Variants in ALDH1A2 observed in about 807,000 individuals in gnomAD.
ALDH1A2 encodes retinal dehydrogenase 2.
A neutral mutation model predicts 60.3 loss-of-function variants in ALDH1A2; 27 were observed. The observed-to-expected ratio is 0.45, with a 90% CI of 0.33 to 0.62. The LOEUF (loss-of-function observed/expected upper bound fraction) is 0.62, where lower values mean the gene tolerates loss of function less well. Ranked by LOEUF, ALDH1A2 falls within the 20% of genes least tolerant of loss-of-function variation. ALDH1A2 has a pLI of 0.02. For synonymous variants in ALDH1A2, 289 were observed against 232.4 expected (o/e 1.24, Z -2.21); for missense variants, 581 against 643.8 (o/e 0.90, Z 1.06).
intron 1 of ALDH1A2, among the ~76,000 whole-genome samples, chr15:58,024,953 T>A (rs1896036861): frequency 6.6e-6 from 1 of 151,866 alleles, no homozygotes; most frequent in Admixed American, 6.6e-5. Flanking sequence ...TGTCAACAAA[T>A]AAAAATAGAA....
At chr15:58,060,043 C>T (rs1482087134) in intron 1 of ALDH1A2, among the ~76,000 whole-genome samples, 1 of 152,154 alleles carries the variant, frequency 6.6e-6, no homozygotes, top group African/African-American at 2.4e-5. Context: ...CTGCCTCAGC[C>T]TTCCAAGAAG....
intron 4 of ALDH1A2, among the ~76,000 whole-genome samples, chr15:58,009,277 G>A (rs1895553773): frequency 2.0e-5 from 3 of 151,880 alleles, no homozygotes; most frequent in Non-Finnish European, 4.4e-5. Flanking sequence ...ACCAGAAGCT[G>A]GTTAGACATG....
At chr15:58,031,202 A>G (rs372892281) in intron 1 of ALDH1A2, among the ~76,000 whole-genome samples, 3 of 152,314 alleles carry the variant, frequency 2.0e-5, no homozygotes, top group South Asian at 4.1e-4. Flanking sequence ...GGCCTCAGAA[A>G]TAACACCACA....
At chr15:57,968,518 T>G (rs1893964967) in intron 7 of ALDH1A2, among the ~76,000 whole-genome samples, 1 of 152,246 alleles carries the variant, frequency 6.6e-6, no homozygotes, top group African/African-American at 2.4e-5. Context: ...TACTGAGCAC[T>G]AATGTGTGCC....
rs138706461 is a variant in ALDH1A2 at position 58,004,693 on chromosome 15, T to TTGTGTGTGTG, written c.493+5946_493+5955dup. On this transcript the variant is annotated intron_variant, in intron 4 of 12. Coordinates refer to ENST00000249750, the MANE Select transcript of ALDH1A2 (RefSeq NM_003888.4). Reference sequence around the variant, plus strand: ...TTATGGCTGTGTAGTATCCCATGATTTGTGTGTGTGCGTGTGTGTGTGTGT... The same window carrying TTGTGTGTGTG: ...TTATGGCTGTGTAGTATCCCATGATTTGTGTGTGTGTGTGTGTGTGCGTGTGTGTGTGTGT... Among the ~76,000 whole-genome samples the TTGTGTGTGTG allele has an allele frequency of 6.1e-3, 839 of 137,086 alleles. 7 individuals carry two copies. The highest frequency in any genetic ancestry group is 0.015 in the African/African-American group (561 of 38,056). The allele number at this position is 137,086 out of a possible 152,430, so 89.9% of individuals were successfully genotyped here.
chr15:57,997,373 C>T (rs1343457784), intron 4 of ALDH1A2, among the ~76,000 whole-genome samples: 5 of 152,014 alleles, frequency 3.3e-5, no homozygotes, highest in Non-Finnish European at 4.4e-5. Context: ...AGAAAATCTT[C>T]TGCAACTGAA....
chr15:57,955,104 G>A lies in ALDH1A2; in HGVS notation c.*93C>T. ...TTTTCAATCTTTAAGTAAGGACCGT[G>A]GCTCAACTTTGTATTCCTGAGAGCT... On this transcript the variant is annotated 3_prime_UTR_variant, in exon 13 of 13. Coordinates refer to ENST00000249750, the MANE Select transcript of ALDH1A2 (RefSeq NM_003888.4). 7.6e-7 allele frequency: 1 copy of A among 1,308,998 alleles called. No homozygotes were observed. The highest frequency in any genetic ancestry group is 1.1e-6 in the Non-Finnish European group (1 of 901,812). The allele number at this position is 1,308,998 out of a possible 1,614,324, so 81.1% of individuals were successfully genotyped here.
At chr15:58,034,857 G>A (rs1377880572) in intron 1 of ALDH1A2, among the ~76,000 whole-genome samples, 1 of 151,468 alleles carries the variant, frequency 6.6e-6, no homozygotes, top group African/African-American at 2.4e-5. Flanking sequence ...TTTATACATT[G>A]GTGGACTCAA....
At chr15:58,046,909 G>C (rs1407625429) in intron 1 of ALDH1A2, among the ~76,000 whole-genome samples, 1 of 152,032 alleles carries the variant, frequency 6.6e-6, no homozygotes, top group Non-Finnish European at 1.5e-5. Flanking sequence ...TCTTCTAAAA[G>C]TTGCTTTAAG....
intron 1 of ALDH1A2, among the ~76,000 whole-genome samples, chr15:58,023,658 G>A (rs868576935): frequency 7.7e-5 from 10 of 129,416 alleles, no homozygotes; most frequent in Non-Finnish European, 8.1e-5. Flanking sequence ...AAAGTGCTGG[G>A]AAAAAAAAAA....
At chr15:58,010,833 C>A (rs1315084925) in intron 3 of ALDH1A2, 55 bp from the exon 4 acceptor site, 2 of 1,603,642 alleles carry the variant, frequency 1.2e-6, no homozygotes, top group African/African-American at 1.3e-5. Flanking sequence ...CAGCGATACA[C>A]TAATTTCTAG....
At chr15:57,999,859 T>C (rs1219036215) in intron 4 of ALDH1A2, among the ~76,000 whole-genome samples, 1 of 152,026 alleles carries the variant, frequency 6.6e-6, no homozygotes, top group East Asian at 1.9e-4. Context: ...GTGGTATATA[T>C]ACATCAAGGA....
intron 1 of ALDH1A2, among the ~76,000 whole-genome samples, chr15:58,061,178 G>C (rs1237200492): frequency 2.0e-5 from 3 of 152,044 alleles, no homozygotes; most frequent in African/African-American, 7.2e-5. Context: ...GACCCCAGGA[G>C]AATTATCTAA....
At chr15:57,994,302 A>G (rs34093320) in intron 5 of ALDH1A2, among the ~76,000 whole-genome samples, 2,725 of 152,290 alleles carry the variant, frequency 0.018, 44 homozygotes, top group Middle Eastern at 0.054. Flanking sequence ...AATAAATATT[A>G]TATCTTCCCC....
chr15:58,002,713 T>C (rs1227717280), intron 4 of ALDH1A2, among the ~76,000 whole-genome samples: 1 of 151,934 alleles, frequency 6.6e-6, no homozygotes, highest in African/African-American at 2.4e-5. Context: ...ACGATTTTAT[T>C]CAATAGCATA....
At chr15:58,008,275 G>T (rs1349636983) in intron 4 of ALDH1A2, among the ~76,000 whole-genome samples, 2 of 152,058 alleles carry the variant, frequency 1.3e-5, no homozygotes, top group African/African-American at 4.8e-5. Context: ...GAGTTTAAGA[G>T]AATTCATCGT....
chr15:58,000,569 AACAG>A (rs1445691213), intron 4 of ALDH1A2, among the ~76,000 whole-genome samples: 4 of 152,024 alleles, frequency 2.6e-5, no homozygotes, highest in Non-Finnish European at 5.9e-5. Flanking sequence ...AATCTAAAAT[AACAG>A]GTTTCATGGG....
intron 1 of ALDH1A2, among the ~76,000 whole-genome samples, chr15:58,061,332 G>A (rs1041236983): frequency 2.1e-4 from 32 of 151,552 alleles, no homozygotes; most frequent in African/African-American, 7.5e-4. Flanking sequence ...GACAATTTAT[G>A]ACCAAAACAG....
At chr15:58,050,959 A>G (rs1896760774) in intron 1 of ALDH1A2, among the ~76,000 whole-genome samples, 1 of 152,198 alleles carries the variant, frequency 6.6e-6, no homozygotes, top group Non-Finnish European at 1.5e-5. Context: ...CTTTGAACCA[A>G]TAAATGAGTG....
Sources: allele counts gnomAD v4.1 joint callset (sites outside exome capture counted in the v4.1 genomes callset), GRCh38; gene constraint gnomAD v4.1.1; transcripts MANE v1.5; gene names NCBI Gene and HGNC (gene_info 2026-07-23, HGNC 2026-07-21).